The following CAMK1D variants were observed in gnomAD, a reference collection of about 807,000 sequenced individuals.
The protein encoded by CAMK1D is calcium/calmodulin dependent protein kinase ID, also known as calcium/calmodulin-dependent protein kinase type 1D.
CAMK1D carries 9 observed loss-of-function variants against 47.7 expected under a neutral mutation model. That is an observed-to-expected ratio of 0.19 (90% CI 0.11 to 0.33). The LOEUF is 0.33. Ranked by LOEUF, CAMK1D falls within the 10% of genes least tolerant of loss-of-function variation. CAMK1D has a pLI of 1.00. For synonymous variants in CAMK1D, 184 were observed against 184.9 expected, an observed-to-expected ratio of 0.99 and a Z score of 0.04; for missense variants, 291 against 488.7, an observed-to-expected ratio of 0.60 and a Z score of 3.81.
chr10:12,549,607 T>C (rs1836512657), intron 1 of CAMK1D, among the ~76,000 whole-genome samples: 1 of 152,232 alleles, frequency 6.6e-6, no homozygotes, highest in Admixed American at 6.5e-5. Context: ...AGAATGGGTC[T>C]GGAACCTTGG....
At chr10:12,733,543 T>G (rs893666846) in intron 3 of CAMK1D, among the ~76,000 whole-genome samples, 4 of 152,166 alleles carry the variant, frequency 2.6e-5, no homozygotes, top group Non-Finnish European at 5.9e-5. Context: ...ATGGGCTCAT[T>G]TCATCAATCC....
intron 1 of CAMK1D, among the ~76,000 whole-genome samples, chr10:12,511,648 G>A (rs1835043822): frequency 6.6e-6 from 1 of 152,100 alleles, no homozygotes; most frequent in Admixed American, 6.6e-5. Flanking sequence ...CACATATCTG[G>A]GTCCTCCTCC....
chr10:12,674,599 CTT>C lies in CAMK1D; in HGVS notation c.299+7806_299+7807del, dbSNP rs11391139. Among the ~76,000 whole-genome samples the C allele has an allele frequency of 5.9e-3, 374 of 63,470 alleles. 16 individuals carry two copies. The highest frequency in any genetic ancestry group is 0.011 in the South Asian group (11 of 1,020). 41.6% of individuals were successfully genotyped at this position (63,470 alleles called of 152,430 possible). Reference sequence around the variant, plus strand: ...TTTTATTTGGGTTTTTGGAAAAATGCTTTTTTTTTTTTTTTTTTCAGAATTCT... The same window carrying C: ...TTTTATTTGGGTTTTTGGAAAAATGCTTTTTTTTTTTTTTTTCAGAATTCT... On this transcript the variant is annotated intron_variant, in intron 3 of 10. Transcript: ENST00000619168.
At chr10:12,505,233 G>C (rs1329773107) in intron 1 of CAMK1D, among the ~76,000 whole-genome samples, 1 of 152,196 alleles carries the variant, frequency 6.6e-6, no homozygotes. Context: ...GGCCACGTTG[G>C]CCATGTGTGT....
At chr10:12,827,464 G>GTCTTTCTT (rs1564594078) in intron 10 of CAMK1D, among the ~76,000 whole-genome samples, 66 of 6,004 alleles carry the variant, frequency 0.011, 28 homozygotes, top group African/African-American at 0.022. Flanking sequence ...TTCTTTCTTT[G>GTCTTTCTT]TCTGTCTGTC....
rs907499277 is a variant in CAMK1D, at chr10:12,829,167, C to G, written c.*280C>G. On this transcript the variant is annotated 3_prime_UTR_variant, in exon 11 of 11. Transcript: ENST00000619168. ...ACTGAACGGACCTTCTTATTCCTCTCCCCTAACACCATCGTTTCCACTCTT... is the reference window on the plus strand; with the variant it reads ...ACTGAACGGACCTTCTTATTCCTCTGCCCTAACACCATCGTTTCCACTCTT... The G allele has an allele frequency of 3.1e-6, 1 of 322,784 alleles. No homozygotes were observed. Among genetic ancestry groups the G allele is most frequent in the Non-Finnish European group, 5.6e-6 (1 of 177,300 alleles). 20.0% of individuals were successfully genotyped at this position (322,784 alleles called of 1,614,324 possible).
chr10:12,639,207 C>A (rs1249451280), intron 2 of CAMK1D, among the ~76,000 whole-genome samples: 2 of 152,206 alleles, frequency 1.3e-5, no homozygotes, highest in Non-Finnish European at 2.9e-5. Context: ...CTAATCAGGC[C>A]GGGTGCAGTG....
At chr10:12,751,479 G>A (rs1356002627) in intron 3 of CAMK1D, among the ~76,000 whole-genome samples, 3 of 152,158 alleles carry the variant, frequency 2.0e-5, no homozygotes, top group African/African-American at 7.2e-5. Flanking sequence ...ACCATGCAAG[G>A]CTCTGGGTAA....
At chr10:12,655,279 A>G (rs1284199283) in intron 2 of CAMK1D, among the ~76,000 whole-genome samples, 2 of 152,086 alleles carry the variant, frequency 1.3e-5, no homozygotes, top group African/African-American at 4.8e-5. Context: ...GGGAGGTGCC[A>G]CACAAGAAGC....
intron 1 of CAMK1D, among the ~76,000 whole-genome samples, chr10:12,442,001 T>A (rs73587087): frequency 0.018 from 2,709 of 152,130 alleles, 55 homozygotes; most frequent in East Asian, 0.056. Flanking sequence ...TCTTGCACAA[T>A]AATGTGGGGA....
At chr10:12,748,938 G>C (rs542895364) in intron 3 of CAMK1D, among the ~76,000 whole-genome samples, 1 of 152,116 alleles carries the variant, frequency 6.6e-6, no homozygotes, top group Non-Finnish European at 1.5e-5. Context: ...AATCTTAAGG[G>C]GCTGAGGAGG....
chr10:12,442,882 C>A (rs1248915376), intron 1 of CAMK1D, among the ~76,000 whole-genome samples: 1 of 152,184 alleles, frequency 6.6e-6, no homozygotes, highest in East Asian at 1.9e-4. Context: ...AAAATTTAAC[C>A]ATGACAAGAG....
At chr10:12,351,828 C>G (rs1010464661) in intron 1 of CAMK1D, among the ~76,000 whole-genome samples, 1 of 152,196 alleles carries the variant, frequency 6.6e-6, no homozygotes, top group African/African-American at 2.4e-5. Context: ...GAATGGGTCT[C>G]TCTTAGGGTC....
intron 3 of CAMK1D, among the ~76,000 whole-genome samples, chr10:12,674,253 G>T (rs1408729620): frequency 6.6e-6 from 1 of 152,182 alleles, no homozygotes; most frequent in East Asian, 1.9e-4. Flanking sequence ...TTCTGTCTGG[G>T]TCAGTGAGAA....
intron 1 of CAMK1D, among the ~76,000 whole-genome samples, chr10:12,435,306 A>G (rs1003165283): frequency 2.0e-5 from 3 of 150,998 alleles, no homozygotes; most frequent in Non-Finnish European, 4.4e-5. Context: ...CCCCACTGAC[A>G]CTGATGGATC....
At chr10:12,458,665 TC>T in intron 1 of CAMK1D, among the ~76,000 whole-genome samples, 1 of 152,300 alleles carries the variant, frequency 6.6e-6, no homozygotes, top group South Asian at 2.1e-4. Flanking sequence ...ACTCCTGGCC[TC>T]AAGCGATCCT....
intron 1 of CAMK1D, among the ~76,000 whole-genome samples, chr10:12,488,408 G>T (rs1004420610): frequency 1.3e-5 from 2 of 152,140 alleles, no homozygotes; most frequent in African/African-American, 2.4e-5. Context: ...AGTGACTCCA[G>T]TTAGTGCAGA....
At chr10:12,747,007 T>G (rs1028468934) in intron 3 of CAMK1D, among the ~76,000 whole-genome samples, 9 of 146,928 alleles carry the variant, frequency 6.1e-5, no homozygotes, top group Admixed American at 1.4e-4. Context: ...AAAGAGTTGT[T>G]TTTTTTTTAA....
intron 1 of CAMK1D, among the ~76,000 whole-genome samples, chr10:12,385,363 A>G (rs1838461270): frequency 6.6e-6 from 1 of 152,232 alleles, no homozygotes; most frequent in Non-Finnish European, 1.5e-5. Context: ...TTATCAGTGG[A>G]TGAATGGAAA....
Sources: gnomAD v4.1 joint callset for allele counts (sites outside exome capture counted in the v4.1 genomes callset) on GRCh38, gnomAD v4.1.1 for gene constraint, MANE v1.5 for transcripts, NCBI Gene and HGNC (gene_info 2026-07-23, HGNC 2026-07-21) for gene names.